KATNBL1: variants seen among roughly 807,000 people sequenced by gnomAD.
KATNBL1 encodes KATNB1-like protein 1.
A neutral mutation model predicts 44.7 loss-of-function variants in KATNBL1; 28 were observed. The observed-to-expected ratio is 0.63, with a 90% confidence interval of 0.46 to 0.86. The LOEUF is 0.86. KATNBL1 is among the 40% of genes least tolerant of loss of function. The pLI is 0.00. For missense variants in KATNBL1, 272 were observed against 350.7 expected (o/e 0.78, Z 1.79); for synonymous variants, 78 against 114.9 (o/e 0.68, Z 2.06).
rs750256937 is a variant in KATNBL1 at position 34,163,694 on chromosome 15, G to C, written c.-14-4C>G. On this transcript the variant is annotated splice_region_variant and splice_polypyrimidine_tract_variant and intron_variant, in intron 1 of 9. Transcript: ENST00000256544. ...GATGCCATAATCTCTTAAGTACCTA[G>C]ACAATAAAATAAAATAGAAAATTAA... 2.8e-5 allele frequency: 40 copies of C among 1,450,502 alleles called. No homozygotes were observed. Among genetic ancestry groups the C allele is most frequent in the African/African-American group, 4.4e-5 (3 of 68,900 alleles). 89.9% of individuals were successfully genotyped at this position (1,450,502 alleles called of 1,614,324 possible). A position where few individuals can be genotyped will look rare whatever the true frequency, so the allele number is the denominator to read the frequency against.
rs1305493873 is a variant in KATNBL1 at position 34,210,043 on chromosome 15, G to C, written c.-107C>G. On this transcript the variant is annotated 5_prime_UTR_variant, in exon 1 of 10. Transcript: ENST00000256544. ...GAGAGTCCCTCGGCTTCTGGGCCGA[G>C]TCCCACTCAGGGCCATTCAAACGCG... 6.6e-6 allele frequency: 1 copy of C among 151,484 alleles called. No homozygotes were observed. Among genetic ancestry groups the C allele is most frequent in the Admixed American group, 6.6e-5 (1 of 15,228 alleles). The allele number at this position is 151,484 out of a possible 1,614,324, so 9.4% of individuals were successfully genotyped here. A position where few individuals can be genotyped will look rare whatever the true frequency, so the allele number is the denominator to read the frequency against.
chr15:34,167,694 G>A (rs951062876), intron 1 of KATNBL1, among the ~76,000 whole-genome samples: 3 of 152,198 alleles, frequency 2.0e-5, no homozygotes, highest in Non-Finnish European at 2.9e-5. Context: ...GGCAGCCAGA[G>A]AGAAAGGTCA....
chr15:34,176,190 C>T (rs1889326853), intron 1 of KATNBL1, among the ~76,000 whole-genome samples: 2 of 151,968 alleles, frequency 1.3e-5, no homozygotes, highest in East Asian at 3.9e-4. Context: ...GCCTGGCCAA[C>T]ATGGTGAAAC....
intron 1 of KATNBL1, among the ~76,000 whole-genome samples, chr15:34,176,850 A>G (rs1889347507): frequency 6.6e-6 from 1 of 152,232 alleles, no homozygotes; most frequent in Non-Finnish European, 1.5e-5. Context: ...TATATTTGAC[A>G]GCACCTTTGT....
intron 1 of KATNBL1, among the ~76,000 whole-genome samples, chr15:34,206,119 G>A (rs375883691): frequency 6.6e-5 from 10 of 152,118 alleles, no homozygotes; most frequent in Admixed American, 4.6e-4. Context: ...CAGGCTTAGC[G>A]TTGCGACTTA....
At chr15:34,200,088 T>C (rs952454234) in intron 1 of KATNBL1, among the ~76,000 whole-genome samples, 5 of 152,158 alleles carry the variant, frequency 3.3e-5, no homozygotes, top group Non-Finnish European at 5.9e-5. Context: ...AGAGCACTGA[T>C]GGGTGCATTT....
chr15:34,208,001 G>C lies in KATNBL1; in HGVS notation c.-15+1950C>G, dbSNP rs528079952. Among the ~76,000 whole-genome samples the C allele has an allele frequency of 6.6e-5, 10 of 152,302 alleles. No individual in the cohort carries two copies. In the South Asian group the frequency reaches 2.1e-3, roughly 32 times the overall value. On this transcript the variant is annotated intron_variant, in intron 1 of 9. Coordinates refer to ENST00000256544, the MANE Select transcript of KATNBL1 (RefSeq NM_024713.3). ...TGCATTCATCCACTGTACTAACGAA[G>C]AGTGTCATATATATTTTTTGTTGTT...
rs569433072 is a variant in KATNBL1 at position 34,166,290 on chromosome 15, T to A, written c.-14-2600A>T. 7.2e-5 allele frequency among the ~76,000 whole-genome samples: 11 copies of A among 152,366 alleles called. No homozygotes were observed. The South Asian group carries it at 2.3e-3, about 32-fold the overall frequency. ...TGGCAGACCAGGAGATTCTATCCTA[T>A]GCCTGGCTCGGCAGGTCCCACGCCC... On this transcript the variant is annotated intron_variant, in intron 1 of 9. Transcript: ENST00000256544.
At chr15:34,173,370 T>C (rs535484503) in intron 1 of KATNBL1, among the ~76,000 whole-genome samples, 3 of 152,016 alleles carry the variant, frequency 2.0e-5, no homozygotes, top group Non-Finnish European at 4.4e-5. Flanking sequence ...AAAAAATAAA[T>C]CCTAAAATCC....
chr15:34,187,399 C>T (rs1889747868), intron 1 of KATNBL1, among the ~76,000 whole-genome samples: 1 of 152,140 alleles, frequency 6.6e-6, no homozygotes, highest in African/African-American at 2.4e-5. Flanking sequence ...GTCTGTGTAC[C>T]TCATTCTTCC....
chr15:34,193,225 A>AT (rs1289277930), intron 1 of KATNBL1, among the ~76,000 whole-genome samples: 4 of 135,696 alleles, frequency 2.9e-5, no homozygotes, highest in African/African-American at 8.2e-5. Flanking sequence ...TCAAAAAAAA[A>AT]AAAAAAAAAA....
At chr15:34,154,880 C>T in intron 2 of KATNBL1, 196 bp from the exon 3 acceptor site, 1 of 582,448 alleles carries the variant, frequency 1.7e-6, no homozygotes, top group Non-Finnish European at 3.1e-6. Flanking sequence ...CAGCTAGTCC[C>T]TACTACTGTG....
intron 1 of KATNBL1, among the ~76,000 whole-genome samples, chr15:34,203,721 C>A (rs1165358574): frequency 6.6e-6 from 1 of 152,150 alleles, no homozygotes; most frequent in Non-Finnish European, 1.5e-5. Flanking sequence ...TGGAGTCTTG[C>A]TCTGTCTCCA....
intron 1 of KATNBL1, among the ~76,000 whole-genome samples, chr15:34,191,552 G>A (rs753814429): frequency 2.0e-5 from 3 of 152,054 alleles, no homozygotes; most frequent in South Asian, 4.1e-4. Context: ...CTGATCAGCC[G>A]TGTATGAGAT....
At chr15:34,149,982 T>G (rs1888419466) in intron 4 of KATNBL1, among the ~76,000 whole-genome samples, 1 of 152,270 alleles carries the variant, frequency 6.6e-6, no homozygotes, top group East Asian at 1.9e-4. Context: ...GACATCCTGA[T>G]ATATGTAAAT....
chr15:34,208,917 G>A (rs1201667340), intron 1 of KATNBL1: 1 of 152,224 alleles, frequency 6.6e-6, no homozygotes, highest in East Asian at 1.9e-4. Flanking sequence ...TATTAGCTGT[G>A]TAACCCTGTA....
chr15:34,165,837 A>C (rs555310315), intron 1 of KATNBL1: 1 of 152,264 alleles, frequency 6.6e-6, no homozygotes, highest in East Asian at 1.9e-4. Flanking sequence ...AAAAGTGGTA[A>C]CTGACTCAGC....
At chr15:34,145,220 T>A (rs1341464453) in intron 9 of KATNBL1, 178 bp downstream of exon 9, 2 of 1,389,942 alleles carry the variant, frequency 1.4e-6, no homozygotes, top group African/African-American at 2.9e-5. Context: ...ATTCCTGTGC[T>A]TGCTGCCAAG....
intron 1 of KATNBL1, among the ~76,000 whole-genome samples, chr15:34,191,154 CATATATATATATATAT>C (rs57428240): frequency 2.9e-5 from 4 of 136,156 alleles, no homozygotes; most frequent in African/African-American, 1.1e-4. Context: ...AATCATAGAC[CATATATATATATATAT>C]ATATATATAT....
Sources: allele counts gnomAD v4.1 joint callset (sites outside exome capture counted in the v4.1 genomes callset), GRCh38; gene constraint gnomAD v4.1.1; transcripts MANE v1.5; gene names NCBI Gene and HGNC (gene_info 2026-07-23, HGNC 2026-07-21).